CPLX1: variants seen among roughly 807,000 people sequenced by gnomAD.
CPLX1 encodes complexin 1.
Under a neutral mutation model 15.6 loss-of-function variants are expected in CPLX1, and 6 were observed. The observed-to-expected ratio is 0.39, with a 90% CI of 0.21 to 0.76. The LOEUF (loss-of-function observed/expected upper bound fraction) is 0.76, where lower values mean the gene tolerates loss of function less well. Among genes scored for constraint, CPLX1 ranks in the 30% least tolerant of loss-of-function variants. The pLI is 0.43. For missense variants in CPLX1, 242 were observed against 188.6 expected, an observed-to-expected ratio of 1.28 and a Z score of -1.66; for synonymous variants, 91 against 75.2, an observed-to-expected ratio of 1.21 and a Z score of -1.08.
At chr4:816,903 A>G (rs1746767439) in intron 2 of CPLX1, among the ~76,000 whole-genome samples, 1 of 152,210 alleles carries the variant, frequency 6.6e-6, no homozygotes, top group Non-Finnish European at 1.5e-5. Context: ...GTTGGCAAGG[A>G]CTGGAAATAC....
At chr4:811,879 C>A (rs1436950522) in intron 2 of CPLX1, among the ~76,000 whole-genome samples, 1 of 152,176 alleles carries the variant, frequency 6.6e-6, no homozygotes, top group Non-Finnish European at 1.5e-5. Flanking sequence ...TGGAACTCAG[C>A]TGTCGGGTGT....
At chr4:814,812 G>C (rs1224897976) in intron 2 of CPLX1, among the ~76,000 whole-genome samples, 1 of 152,252 alleles carries the variant, frequency 6.6e-6, no homozygotes, top group African/African-American at 2.4e-5. Flanking sequence ...GTATGAACAA[G>C]TGTCGTGTGT....
At chr4:824,378 G>C in intron 2 of CPLX1, 114 bp downstream of exon 2, 1 of 931,426 alleles carries the variant, frequency 1.1e-6, no homozygotes. Flanking sequence ...AGGGCTGCGT[G>C]GGTGGCCGTG....
At chr4:787,921 C>T (rs1340369861) in intron 3 of CPLX1, 1 of 985,358 alleles carries the variant, frequency 1.0e-6, no homozygotes, top group Non-Finnish European at 1.2e-6. Flanking sequence ...TGGTGTTGTA[C>T]GGAGCTGGAC....
chr4:816,873 T>C (rs913979347), intron 2 of CPLX1, among the ~76,000 whole-genome samples: 2 of 152,126 alleles, frequency 1.3e-5, no homozygotes, highest in Non-Finnish European at 2.9e-5. Context: ...GTATAAAGTG[T>C]GCAGAAGTCC....
intron 2 of CPLX1, among the ~76,000 whole-genome samples, chr4:795,402 C>A (rs934933673): frequency 1.3e-5 from 2 of 152,212 alleles, no homozygotes; most frequent in Non-Finnish European, 2.9e-5. Context: ...CATCCCGCAT[C>A]CGCAGGAGGG....
At chr4:804,950 G>A (rs1424237393) in intron 2 of CPLX1, 35 of 985,408 alleles carry the variant, frequency 3.6e-5, no homozygotes, top group Admixed American at 2.5e-4. Flanking sequence ...GAGTTCACCC[G>A]GCGTCCCACT....
chr4:804,531 C>T (rs1002622616), intron 2 of CPLX1, among the ~76,000 whole-genome samples: 9 of 151,614 alleles, frequency 5.9e-5, no homozygotes, highest in African/African-American at 1.9e-4. Context: ...TTAAATCGTA[C>T]GGTTTTGGAA....
chr4:798,753 A>G (rs1204714048), intron 2 of CPLX1, among the ~76,000 whole-genome samples: 1 of 152,222 alleles, frequency 6.6e-6, no homozygotes, highest in Non-Finnish European at 1.5e-5. Flanking sequence ...CAAAATAAAC[A>G]CATATGTAAA....
intron 2 of CPLX1, among the ~76,000 whole-genome samples, chr4:821,160 C>T (rs565681159): frequency 6.6e-5 from 10 of 152,368 alleles, no homozygotes; most frequent in African/African-American, 2.2e-4. Flanking sequence ...GCCAGGCTGT[C>T]GCCCCCCAGG....
At chr4:802,754 C>T (rs1746481748) in intron 2 of CPLX1, among the ~76,000 whole-genome samples, 1 of 152,090 alleles carries the variant, frequency 6.6e-6, no homozygotes, top group Non-Finnish European at 1.5e-5. Context: ...TTGAGACCAG[C>T]CTGGCCAACA....
intron 3 of CPLX1, chr4:787,327 G>T (rs918728089): frequency 1.0e-6 from 1 of 985,396 alleles, no homozygotes; most frequent in Admixed American, 6.1e-5. Flanking sequence ...GGGCCTCACC[G>T]ACCCCCTGCC....
chr4:790,447 C>G (rs546123746), intron 3 of CPLX1, among the ~76,000 whole-genome samples: 20 of 152,272 alleles, frequency 1.3e-4, no homozygotes, highest in African/African-American at 4.1e-4. Flanking sequence ...TTACGCTTCC[C>G]CCTCTCCTGG....
intron 3 of CPLX1, among the ~76,000 whole-genome samples, chr4:791,440 G>C (rs3775146): frequency 0.32 from 48,968 of 151,898 alleles, 8,226 homozygotes; most frequent in South Asian, 0.43. Flanking sequence ...TGCATGTGCC[G>C]CACCTGCCCC....
Position 787,368 on chromosome 4 carries a change from T to C in CPLX1, c.208-670A>G, listed in dbSNP as rs901574023. 5.1e-6 allele frequency: 5 copies of C among 985,208 alleles called. No individual in the cohort carries two copies. The South Asian group carries it at 1.9e-4, about 37-fold the overall frequency. 61.0% of individuals were successfully genotyped at this position (985,208 alleles called of 1,614,324 possible). On this transcript the variant is annotated intron_variant, in intron 3 of 3. Coordinates refer to ENST00000304062, the MANE Select transcript of CPLX1 (RefSeq NM_006651.4). ...GCGTTTCTCATCTCCCGTGAGTGCG[T>C]CTGCCCTCCGTAGTAGCTGAATATT...
chr4:787,450 G>C lies in CPLX1; in HGVS notation c.208-752C>G. 3.2e-6 allele frequency: 3 copies of C among 923,646 alleles called. No individual in the cohort carries two copies. In the South Asian group the frequency reaches 1.5e-4, roughly 46 times the overall value. The allele number at this position is 923,646 out of a possible 1,614,324, so 57.2% of individuals were successfully genotyped here. On this transcript the variant is annotated intron_variant, in intron 3 of 3. Transcript: ENST00000304062. The stretch of plus-strand genomic sequence containing the variant: ...CAAAGGTGATCTCATTCGGAAACAG[G>C]TCTTTGTTGATCTCATAATGGTAAG...
chr4:792,587 T>C lies in CPLX1; in HGVS notation c.53A>G (p.Lys18Arg). ...CTTCTCCTCGTCACCCCCCAGCATC[T>C]TCCCCATGTCCTTGGTGGCCCCTGG... is the stretch of plus-strand genomic sequence containing the variant. ...ALGGATKDMG[K>R]MLGGDEEKDP... Residue 18 changes from lysine (K) to arginine (R), a missense_variant, in exon 3 of 4, where the codon AAG becomes AGG. Coordinates refer to ENST00000304062, the MANE Select transcript of CPLX1 (RefSeq NM_006651.4). 2 of 1,612,778 alleles carry C rather than the reference T, an allele frequency of 1.2e-6. No individual in the cohort carries two copies. The highest frequency in any genetic ancestry group is 1.7e-6 in the Non-Finnish European group (2 of 1,179,438).
rs1339337337 is a variant in CPLX1 at position 790,099 on chromosome 4, G to A, written c.207+2334C>T. Among the ~76,000 whole-genome samples, 12 of 151,998 alleles carry A rather than the reference G, an allele frequency of 7.9e-5. 1 individual carries two copies. In the South Asian group the frequency reaches 1.0e-3, roughly 13 times the overall value. ...ACCCCAACAGGTGGCCACGCCTGAGGGCGGGGTTCCCCCACCCCAAAGGCT... is the reference window on the plus strand; with the variant it reads ...ACCCCAACAGGTGGCCACGCCTGAGAGCGGGGTTCCCCCACCCCAAAGGCT... On this transcript the variant is annotated intron_variant, in intron 3 of 3. Transcript: ENST00000304062.
At chr4:790,378 C>T (rs190408696) in intron 3 of CPLX1, among the ~76,000 whole-genome samples, 2 of 152,148 alleles carry the variant, frequency 1.3e-5, no homozygotes, top group Non-Finnish European at 2.9e-5. Flanking sequence ...TAGGCCTGAC[C>T]GGCGAGCCCT....
Sources: gnomAD v4.1 joint callset for allele counts (sites outside exome capture counted in the v4.1 genomes callset) on GRCh38, gnomAD v4.1.1 for gene constraint, MANE v1.5 for transcripts, NCBI Gene and HGNC (gene_info 2026-07-23, HGNC 2026-07-21) for gene names.